The following ARL5A variants were observed in gnomAD, a reference collection of about 807,000 sequenced individuals.
ARL5A encodes the protein ARF like GTPase 5A, also known as ADP-ribosylation factor-like protein 5A.
In ARL5A, 18 loss-of-function variants were observed where a neutral mutation model predicts 25.9. That is an observed-to-expected ratio of 0.69 (90% CI 0.48 to 1.03). The LOEUF is 1.03. Among genes scored for constraint, ARL5A ranks in the 50% least tolerant of loss-of-function variants. The pLI, the probability that ARL5A is intolerant of heterozygous loss-of-function variation, is 0.00. For missense variants in ARL5A, 170 were observed against 211.9 expected, an observed-to-expected ratio of 0.80 and a Z score of 1.23; for synonymous variants, 61 against 67.5, an observed-to-expected ratio of 0.90 and a Z score of 0.47.
chr2:151,824,845 C>T (rs1253509418), intron 1 of ARL5A, among the ~76,000 whole-genome samples: 2 of 152,134 alleles, frequency 1.3e-5, no homozygotes, highest in Admixed American at 6.6e-5. Flanking sequence ...ACTACGTAAT[C>T]GTGGTTAAAA....
At chr2:151,822,322 ATTT>A (rs1274263012) in intron 1 of ARL5A, among the ~76,000 whole-genome samples, 1 of 152,178 alleles carries the variant, frequency 6.6e-6, no homozygotes, top group Admixed American at 6.5e-5. Flanking sequence ...ACCAATGACC[ATTT>A]TTAATAGCTT....
At chr2:151,827,102 T>G (rs141016014) in intron 1 of ARL5A, among the ~76,000 whole-genome samples, 1 of 152,214 alleles carries the variant, frequency 6.6e-6, no homozygotes, top group African/African-American at 2.4e-5. Flanking sequence ...AACTGGGACG[T>G]GACACCATCA....
In ARL5A at chr2:151,800,291, T is replaced by C. The variant is rs1365585988; in HGVS notation, c.*2985A>G. 6.6e-6 allele frequency: 1 copy of C among 152,202 alleles called. No homozygotes were observed. Among genetic ancestry groups the C allele is most frequent in the African/African-American group, 2.4e-5 (1 of 41,454 alleles). 9.4% of individuals were successfully genotyped at this position (152,202 alleles called of 1,614,324 possible). Reference sequence around the variant, plus strand: ...TACAAGAGGGAACAATAGAGTCCTATTTCTAGGCATCTTAATACTATATGC... The same window carrying C: ...TACAAGAGGGAACAATAGAGTCCTACTTCTAGGCATCTTAATACTATATGC... On this transcript the variant is annotated 3_prime_UTR_variant, in exon 6 of 6. Coordinates refer to ENST00000295087, the MANE Select transcript of ARL5A (RefSeq NM_012097.4).
At chr2:151,818,490 C>T (rs79610545) in intron 1 of ARL5A, among the ~76,000 whole-genome samples, 2,404 of 152,126 alleles carry the variant, frequency 0.016, 35 homozygotes, top group Non-Finnish European at 0.023. Flanking sequence ...TTTCCCAGGC[C>T]GGTCTCAAAC....
In ARL5A at chr2:151,812,407, CTCTG is replaced by C; in HGVS notation, c.285_288del (p.Asp95GlufsTer6). ...TCTTCTCTAGTTACAGAAATCCTCT[CTCTG>C]TCTGTACTGTCCACAACAACTATTA... On this transcript the variant is annotated frameshift_variant, in exon 4 of 6. Transcript: ENST00000295087. LOFTEE classifies it high-confidence loss of function. 2 of 1,606,838 alleles carry C rather than the reference CTCTG, an allele frequency of 1.2e-6. No individual in the cohort carries two copies. Among genetic ancestry groups the C allele is most frequent in the Non-Finnish European group, 1.7e-6 (2 of 1,177,656 alleles).
chr2:151,820,471 C>T (rs571393926), intron 1 of ARL5A, among the ~76,000 whole-genome samples: 19 of 151,940 alleles, frequency 1.3e-4, no homozygotes, highest in South Asian at 4.2e-4. Context: ...ACCAGCTTGG[C>T]CAACATGGCG....
intron 4 of ARL5A, among the ~76,000 whole-genome samples, chr2:151,809,192 T>C (rs919353774): frequency 7.2e-5 from 11 of 152,226 alleles, no homozygotes; most frequent in African/African-American, 2.4e-4. Flanking sequence ...CTTATATAGG[T>C]CAAGTTTGCT....
At chr2:151,821,506 T>A (rs1002377056) in intron 1 of ARL5A, among the ~76,000 whole-genome samples, 1 of 152,198 alleles carries the variant, frequency 6.6e-6, no homozygotes, top group Non-Finnish European at 1.5e-5. Context: ...CTTTACCTCC[T>A]TACTCCACCC....
rs913662706 is a variant in ARL5A, at chr2:151,799,026, A to T, written c.*4250T>A. 1.3e-5 allele frequency: 2 copies of T among 152,232 alleles called. No homozygotes were observed. The highest frequency in any genetic ancestry group is 4.8e-5 in the African/African-American group (2 of 41,466). The allele number at this position is 152,232 out of a possible 1,614,324, so 9.4% of individuals were successfully genotyped here. ...AGTGTATCCTGGAACATTTCTTCAC[A>T]ATCTGACAGGACTTTAGGGTTAACT... On this transcript the variant is annotated 3_prime_UTR_variant, in exon 6 of 6. Coordinates refer to ENST00000295087, the MANE Select transcript of ARL5A (RefSeq NM_012097.4).
chr2:151,813,454 C>A (rs978299847), intron 3 of ARL5A, among the ~76,000 whole-genome samples: 1 of 152,110 alleles, frequency 6.6e-6, no homozygotes, highest in Non-Finnish European at 1.5e-5. Context: ...AGCATATATA[C>A]CTTTATAATC....
chr2:151,808,457 T>C (rs573635791), intron 4 of ARL5A, among the ~76,000 whole-genome samples: 2 of 36,288 alleles, frequency 5.5e-5, no homozygotes, highest in Non-Finnish European at 2.2e-4. Flanking sequence ...AAAGGAGTTA[T>C]GTAAAATATT....
At chr2:151,816,972 G>C (rs2099831595) in intron 1 of ARL5A, among the ~76,000 whole-genome samples, 1 of 152,206 alleles carries the variant, frequency 6.6e-6, no homozygotes. Context: ...TGTTCAGCAG[G>C]TTAGGTGTAA....
chr2:151,825,886 A>G (rs941850861), intron 1 of ARL5A, among the ~76,000 whole-genome samples: 1 of 151,946 alleles, frequency 6.6e-6, no homozygotes, highest in Non-Finnish European at 1.5e-5. Context: ...GCACTTTGGG[A>G]GCCCAAGGCG....
At chr2:151,808,560 T>C (rs1255641773) in intron 4 of ARL5A, among the ~76,000 whole-genome samples, 1 of 152,186 alleles carries the variant, frequency 6.6e-6, no homozygotes, top group Non-Finnish European at 1.5e-5. Flanking sequence ...TCTCATTAAG[T>C]ATGGTCAGAA....
rs943331740 is a variant in ARL5A at position 151,815,035 on chromosome 2, A to G, written c.107+104T>C. On this transcript the variant is annotated intron_variant, in intron 2 of 5. Transcript: ENST00000295087. ...TAGCCAACCTGCTTTCTTACAGGGT[A>G]ACTTAGGTTTCATGTAATTTCTTAC... The G allele has an allele frequency of 4.7e-6, 4 of 843,154 alleles. No individual in the cohort carries two copies. The Admixed American group carries it at 7.6e-5, about 16-fold the overall frequency. The allele number at this position is 843,154 out of a possible 1,614,324, so 52.2% of individuals were successfully genotyped here.
rs748170373 is a variant in ARL5A, at chr2:151,806,965, C to G, written c.347G>C (p.Arg116Thr). The G allele has an allele frequency of 2.5e-6, 4 of 1,610,236 alleles. No homozygotes were observed. The South Asian group carries it at 4.4e-5, about 18-fold the overall frequency. The change falls in exon 5 of 6, where the codon AGA becomes ACA. Residue 116 changes from arginine (R) to threonine (T), a missense_variant. Physicochemically the swap from Arg to Thr is moderately conservative, Grantham distance 71. Transcript: ENST00000295087. Reference protein sequence around the residue: ...LYKMLAHEDLRKAGLLIFANK... With the variant: ...LYKMLAHEDLTKAGLLIFANK... ...AGCAAAAATCAGCAATCCAGCTTTT[C>G]TTAGGTCCTATTAAAGCAAATAAAA...
chr2:151,818,207 A>G (rs1011620577), intron 1 of ARL5A, among the ~76,000 whole-genome samples: 2 of 152,246 alleles, frequency 1.3e-5, no homozygotes, highest in African/African-American at 4.8e-5. Context: ...GCTGAATTAA[A>G]ATCAGATGAT....
chr2:151,812,573 C>A, intron 3 of ARL5A, 133 bp from the exon 4 acceptor site: 1 of 534,278 alleles, frequency 1.9e-6, no homozygotes, highest in Admixed American at 3.8e-5. Context: ...AAAATCAGAG[C>A]TACCTATACA....
At chr2:151,826,832 G>A (rs2099833121) in intron 1 of ARL5A, among the ~76,000 whole-genome samples, 2 of 152,226 alleles carry the variant, frequency 1.3e-5, no homozygotes. Flanking sequence ...GTCAGAGACA[G>A]TGCTGATTAG....
Sources: allele counts gnomAD v4.1 joint callset (sites outside exome capture counted in the v4.1 genomes callset), GRCh38; gene constraint gnomAD v4.1.1; transcripts MANE v1.5; gene names NCBI Gene and HGNC (gene_info 2026-07-23, HGNC 2026-07-21).